The following ELOVL2 variants were observed in gnomAD, a reference collection of about 807,000 sequenced individuals.
ELOVL2 encodes very long chain fatty acid elongase 2.
A neutral mutation model predicts 37.7 loss-of-function variants in ELOVL2; 38 were observed. The observed-to-expected ratio is 1.01, with a 90% CI of 0.78 to 1.32. ELOVL2 has a LOEUF of 1.32. Among genes scored for constraint, ELOVL2 ranks in the 40% most tolerant of loss-of-function variants. The pLI is 0.00. For missense variants in ELOVL2, 352 were observed against 363.6 expected (o/e 0.97, Z 0.26); for synonymous variants, 115 against 122.3 (o/e 0.94, Z 0.40).
At chr6:11,003,546 A>G (rs775379799) in intron 3 of ELOVL2, among the ~76,000 whole-genome samples, 24 of 152,084 alleles carry the variant, frequency 1.6e-4, no homozygotes, top group African/African-American at 4.6e-4. Flanking sequence ...TTCTTTATCC[A>G]GTCTATCATT....
chr6:11,004,650 A>G (rs1782448588), intron 3 of ELOVL2, among the ~76,000 whole-genome samples: 1 of 151,954 alleles, frequency 6.6e-6, no homozygotes, highest in Non-Finnish European at 1.5e-5. Flanking sequence ...CTTTAAGGGA[A>G]TATATATATT....
intron 1 of ELOVL2, among the ~76,000 whole-genome samples, chr6:11,037,321 G>C (rs1783026762): frequency 6.6e-6 from 1 of 151,962 alleles, no homozygotes; most frequent in Non-Finnish European, 1.5e-5. Flanking sequence ...CTTTGACCCT[G>C]CCAAAGAAAA....
In ELOVL2 at chr6:11,005,399, T is replaced by A; in HGVS notation, c.228A>T (p.Thr76=). Residue 76 remains threonine, a synonymous_variant, in exon 3 of 8, where the codon ACA becomes ACT. Coordinates refer to ENST00000354666, the MANE Select transcript of ELOVL2 (RefSeq NM_017770.4). Reference sequence around the variant, plus strand: ...CTGCCAGCATGTACGCGGAGAGAAGTGTGATTCCAAGATTATACAAGGTGA... The same window carrying A: ...CTGCCAGCATGTACGCGGAGAGAAGAGTGATTCCAAGATTATACAAGGTGA... ...GILTLYNLGI[T]LLSAYMLAEL... 6.2e-7 allele frequency: 1 copy of A among 1,613,844 alleles called. No homozygotes were observed. The highest frequency in any genetic ancestry group is 8.5e-7 in the Non-Finnish European group (1 of 1,179,944).
chr6:11,036,089 CAT>C (rs1214040711), intron 1 of ELOVL2, among the ~76,000 whole-genome samples: 1 of 152,138 alleles, frequency 6.6e-6, no homozygotes, highest in African/African-American at 2.4e-5. Context: ...CTGTTACAGA[CAT>C]ATGTTCTGTC....
At chr6:10,993,741 G>A (rs998350153) in intron 5 of ELOVL2, among the ~76,000 whole-genome samples, 2 of 152,004 alleles carry the variant, frequency 1.3e-5, no homozygotes, top group Non-Finnish European at 2.9e-5. Context: ...AGGCTGGAGT[G>A]CAGTGGCGTG....
intron 1 of ELOVL2, among the ~76,000 whole-genome samples, chr6:11,042,842 T>C (rs927231108): frequency 6.6e-6 from 1 of 152,056 alleles, no homozygotes; most frequent in Non-Finnish European, 1.5e-5. Context: ...CTTTATTGGG[T>C]TAATTCAAAA....
At chr6:10,992,793 AAC>A (rs1467968638) in intron 5 of ELOVL2, among the ~76,000 whole-genome samples, 2 of 115,448 alleles carry the variant, frequency 1.7e-5, no homozygotes, top group South Asian at 3.1e-4. Context: ...TCTCAAAAAA[AAC>A]AAAACAAAAA....
chr6:11,042,174 G>A (rs147877695), intron 1 of ELOVL2, among the ~76,000 whole-genome samples: 1 of 152,188 alleles, frequency 6.6e-6, no homozygotes, highest in East Asian at 1.9e-4. Context: ...TTGGCCTGGT[G>A]TGGTGACGTG....
chr6:11,017,049 C>T (rs1782694751), intron 1 of ELOVL2, among the ~76,000 whole-genome samples: 1 of 152,094 alleles, frequency 6.6e-6, no homozygotes, highest in Admixed American at 6.5e-5. Context: ...TATGGGAACT[C>T]TAAATTGTTA....
chr6:10,981,284 AAT>A lies in ELOVL2; in HGVS notation c.*2495_*2496del, dbSNP rs765033763. ...AGAGAAAACATTCTCCATTTTTTTT[AAT>A]AGATTATAGAAATATTAATTTTTCA... On this transcript the variant is annotated 3_prime_UTR_variant, in exon 8 of 8. Coordinates refer to ENST00000354666, the MANE Select transcript of ELOVL2 (RefSeq NM_017770.4). 1 of 152,592 alleles carries A rather than the reference AAT, an allele frequency of 6.6e-6. No individual in the cohort carries two copies. The highest frequency in any genetic ancestry group is 2.4e-5 in the African/African-American group (1 of 41,448). 9.5% of individuals were successfully genotyped at this position (152,592 alleles called of 1,614,324 possible).
chr6:11,022,291 T>C (rs1489727809), intron 1 of ELOVL2, among the ~76,000 whole-genome samples: 2 of 152,154 alleles, frequency 1.3e-5, no homozygotes, highest in East Asian at 3.9e-4. Context: ...GGACACCTGG[T>C]ATGAACGGCA....
intron 1 of ELOVL2, among the ~76,000 whole-genome samples, chr6:11,043,185 A>G (rs2113574973): frequency 6.6e-6 from 1 of 152,282 alleles, no homozygotes; most frequent in East Asian, 1.9e-4. Flanking sequence ...GGGAAGAGAA[A>G]GGAAGTGCGC....
At chr6:11,008,587 G>C (rs561070015) in intron 2 of ELOVL2, among the ~76,000 whole-genome samples, 2 of 151,652 alleles carry the variant, frequency 1.3e-5, no homozygotes, top group East Asian at 3.9e-4. Flanking sequence ...CTAAGGGAGG[G>C]GTCCCGGGTC....
chr6:11,022,272 C>A (rs964926972), intron 1 of ELOVL2, among the ~76,000 whole-genome samples: 1 of 152,160 alleles, frequency 6.6e-6, no homozygotes, highest in Non-Finnish European at 1.5e-5. Context: ...CGGTGTCCAG[C>A]AGAGTCTGGG....
chr6:11,029,858 A>T (rs1231244016), intron 1 of ELOVL2, among the ~76,000 whole-genome samples: 4 of 152,180 alleles, frequency 2.6e-5, no homozygotes, highest in Admixed American at 6.5e-5. Flanking sequence ...TACAAGTAGG[A>T]AACAAATATT....
intron 1 of ELOVL2, among the ~76,000 whole-genome samples, chr6:11,020,944 T>C (rs899294347): frequency 1.6e-4 from 24 of 152,352 alleles, no homozygotes; most frequent in African/African-American, 5.8e-4. Flanking sequence ...AACTGTGCTA[T>C]AGTAGTTTGG....
At position 10,989,815 on chromosome 6, in the gene ELOVL2, G is replaced by A. The variant is rs554486961; in HGVS notation, c.653C>T (p.Thr218Met). Residue 218 changes from threonine to methionine, a missense_variant, in exon 7 of 8, where the codon ACG (threonine) becomes ATG (methionine). Thr to Met is a moderately conservative substitution (Grantham distance 81). Coordinates refer to ENST00000354666, the MANE Select transcript of ELOVL2 (RefSeq NM_017770.4). Reference sequence around the variant, plus strand: ...TTTCACGACGGCGCTCATGGTGTGCGTGATGGTGAGCACGAACTGCACCTG... The same window carrying A: ...TTTCACGACGGCGCTCATGGTGTGCATGATGGTGAGCACGAACTGCACCTG... ...AQLVQFVLTI[T>M]HTMSAVVKPC... 16 of 1,614,184 alleles carry A rather than the reference G, an allele frequency of 9.9e-6. No homozygotes were observed. Among genetic ancestry groups the A allele is most frequent in the Middle Eastern group, 1.7e-4 (1 of 6,060 alleles).
At chr6:10,997,539 T>C (rs1782291672) in intron 4 of ELOVL2, among the ~76,000 whole-genome samples, 1 of 152,224 alleles carries the variant, frequency 6.6e-6, no homozygotes, top group East Asian at 1.9e-4. Context: ...TTCTCTTTGC[T>C]CCTCCCATTC....
At chr6:11,005,587 C>CCTCA in intron 2 of ELOVL2, 28 bp from the exon 3 acceptor site, 1 of 1,588,640 alleles carries the variant, frequency 6.3e-7, no homozygotes, top group Non-Finnish European at 8.6e-7. Context: ...CAGTGAGGAT[C>CCTCA]CTGAGGAATG....
Sources: allele counts gnomAD v4.1 joint callset (sites outside exome capture counted in the v4.1 genomes callset), GRCh38; gene constraint gnomAD v4.1.1; transcripts MANE v1.5; gene names NCBI Gene and HGNC (gene_info 2026-07-23, HGNC 2026-07-21).